The following TMTC2 variants were observed in gnomAD, a reference collection of about 807,000 sequenced individuals.
TMTC2 encodes transmembrane O-mannosyltransferase targeting cadherins 2.
A neutral mutation model predicts 82.4 loss-of-function variants in TMTC2; 43 were observed. The observed-to-expected ratio is 0.52, with a 90% CI of 0.41 to 0.67. The LOEUF (loss-of-function observed/expected upper bound fraction) is 0.67, where lower values mean the gene tolerates loss of function less well. TMTC2 is among the 30% of genes least tolerant of loss of function. The pLI, the probability that TMTC2 is intolerant of heterozygous loss-of-function variation, is 0.00. For missense variants in TMTC2, 919 were observed against 1,012.4 expected, an observed-to-expected ratio of 0.91 and a Z score of 1.25; for synonymous variants, 408 against 381.9, an observed-to-expected ratio of 1.07 and a Z score of -0.80.
intron 11 of TMTC2, among the ~76,000 whole-genome samples, chr12:83,126,642 A>G (rs1885105976): frequency 6.6e-6 from 1 of 152,146 alleles, no homozygotes; most frequent in African/African-American, 2.4e-5. Flanking sequence ...TAAAGTTATC[A>G]AGACTTAACA....
Position 82,896,181 on chromosome 12 carries a change from A to C in TMTC2, c.1018A>C (p.Lys340Gln). 2.5e-6 allele frequency: 4 copies of C among 1,614,036 alleles called. No individual in the cohort carries two copies. Among genetic ancestry groups the C allele is most frequent in the Non-Finnish European group, 3.4e-6 (4 of 1,180,030 alleles). The change falls in exon 3 of 12, where the codon AAA (lysine) becomes CAA (glutamine). Residue 340 changes from lysine (K) to glutamine (Q), a missense_variant. By Grantham distance (53) the Lys-to-Gln change is moderately conservative. Transcript: ENST00000321196. ...SPSVDRECNG[K>Q]TVTNGKQNAN... Reference sequence around the variant, plus strand: ...GAGCGTAGACAGAGAATGCAATGGGAAAACTGTAACAAATGGCAAGCAGAA... The same window carrying C: ...GAGCGTAGACAGAGAATGCAATGGGCAAACTGTAACAAATGGCAAGCAGAA...
intron 4 of TMTC2, among the ~76,000 whole-genome samples, chr12:82,942,043 G>C (rs1876750534): frequency 1.3e-5 from 2 of 152,140 alleles, no homozygotes; most frequent in South Asian, 4.1e-4. Context: ...ACCTGGCTGG[G>C]ATAATGATTT....
chr12:83,068,717 ATTAT>A (rs773308765), intron 11 of TMTC2, among the ~76,000 whole-genome samples: 21 of 151,840 alleles, frequency 1.4e-4, no homozygotes, highest in Non-Finnish European at 2.9e-4. Flanking sequence ...TTTTTTATTT[ATTAT>A]TTATTTTTCC....
rs577610576 is a variant in TMTC2 at position 83,056,613 on chromosome 12, G to A, written c.2268-5155G>A. Among the ~76,000 whole-genome samples the A allele has an allele frequency of 6.6e-5, 10 of 151,956 alleles. No individual in the cohort carries two copies. The East Asian group carries it at 1.6e-3, about 24-fold the overall frequency. ...CACAAATCAGATTGTGTGTGCTTAC[G>A]TGTGTGTATCTTGGGGATGTGTGTA... is the stretch of plus-strand genomic sequence containing the variant. On this transcript the variant is annotated intron_variant, in intron 10 of 11. Transcript: ENST00000321196.
intron 3 of TMTC2, among the ~76,000 whole-genome samples, chr12:82,918,669 T>C (rs1875169104): frequency 6.6e-6 from 1 of 152,166 alleles, no homozygotes; most frequent in Non-Finnish European, 1.5e-5. Context: ...AAAAATTAAA[T>C]ATTAAGAAAT....
At chr12:83,121,369 C>A (rs1884942066) in intron 11 of TMTC2, among the ~76,000 whole-genome samples, 1 of 152,148 alleles carries the variant, frequency 6.6e-6, no homozygotes, top group African/African-American at 2.4e-5. Context: ...TACTCTCCCC[C>A]TTTTCCTATG....
chr12:82,757,820 T>C (rs1323706220), intron 1 of TMTC2, among the ~76,000 whole-genome samples: 1 of 152,196 alleles, frequency 6.6e-6, no homozygotes, highest in Non-Finnish European at 1.5e-5. Context: ...TCAGGGAAAG[T>C]GGCTCAGTAA....
At chr12:82,849,726 A>G (rs150106543) in intron 1 of TMTC2, among the ~76,000 whole-genome samples, 35 of 152,280 alleles carry the variant, frequency 2.3e-4, no homozygotes, top group Non-Finnish European at 3.8e-4. Flanking sequence ...AGATGTCAGA[A>G]TAGCAACTCA....
chr12:82,781,724 G>C (rs1877920484), intron 1 of TMTC2, among the ~76,000 whole-genome samples: 1 of 144,824 alleles, frequency 6.9e-6, no homozygotes. Flanking sequence ...TTTTTGGAGA[G>C]GAAAGTGAAA....
At chr12:83,034,594 A>T (rs544712292) in intron 9 of TMTC2, among the ~76,000 whole-genome samples, 9 of 152,386 alleles carry the variant, frequency 5.9e-5, no homozygotes, top group Admixed American at 3.9e-4. Context: ...CAATGTTTTC[A>T]TCAAGAGATG....
At chr12:82,925,419 C>A (rs1487106403) in intron 3 of TMTC2, among the ~76,000 whole-genome samples, 1 of 152,118 alleles carries the variant, frequency 6.6e-6, no homozygotes, top group Non-Finnish European at 1.5e-5. Context: ...GATAAATGAA[C>A]AATCAACCAA....
intron 1 of TMTC2, among the ~76,000 whole-genome samples, chr12:82,795,798 G>A (rs1878691002): frequency 6.6e-6 from 1 of 152,060 alleles, no homozygotes; most frequent in Non-Finnish European, 1.5e-5. Flanking sequence ...ACACCTGCCG[G>A]GACCTTGATC....
chr12:83,105,449 G>A (rs1884362043), intron 11 of TMTC2, among the ~76,000 whole-genome samples: 1 of 152,162 alleles, frequency 6.6e-6, no homozygotes, highest in Admixed American at 6.5e-5. Context: ...GAAGCATGGT[G>A]CCGGCATCTG....
At chr12:82,819,497 CTTTTT>C (rs766912583) in intron 1 of TMTC2, among the ~76,000 whole-genome samples, 1 of 118,286 alleles carries the variant, frequency 8.5e-6, no homozygotes, top group African/African-American at 3.5e-5. Flanking sequence ...TTCTCTCTTT[CTTTTT>C]TTTTTTTTTT....
At chr12:82,883,540 T>G (rs1011695247) in intron 2 of TMTC2, among the ~76,000 whole-genome samples, 1 of 152,202 alleles carries the variant, frequency 6.6e-6, no homozygotes, top group Non-Finnish European at 1.5e-5. Flanking sequence ...CTCATTATAA[T>G]TTGTCTCTTT....
Position 82,828,164 on chromosome 12 carries a change from A to T in TMTC2, c.84-28846A>T, listed in dbSNP as rs190575064. Reference sequence around the variant, plus strand: ...CGCCTTGGCCTCCCAATGTACTGGGATTACAGGAGTGAGCTACCGTGCCTG... The same window carrying T: ...CGCCTTGGCCTCCCAATGTACTGGGTTTACAGGAGTGAGCTACCGTGCCTG... On this transcript the variant is annotated intron_variant, in intron 1 of 11. Coordinates refer to ENST00000321196, the MANE Select transcript of TMTC2 (RefSeq NM_152588.3). 2.8e-5 allele frequency among the ~76,000 whole-genome samples: 4 copies of T among 143,874 alleles called. No homozygotes were observed. In the East Asian group the frequency reaches 8.9e-4, roughly 32 times the overall value. 94.4% of individuals were successfully genotyped at this position (143,874 alleles called of 152,430 possible).
At chr12:82,930,670 C>A (rs1264979029) in intron 4 of TMTC2, 125 bp downstream of exon 4, 1 of 554,234 alleles carries the variant, frequency 1.8e-6, no homozygotes, top group Non-Finnish European at 3.2e-6. Flanking sequence ...TTTTGTTAAT[C>A]ATGCCTCTGA....
At chr12:83,022,826 T>C (rs563422990) in intron 8 of TMTC2, among the ~76,000 whole-genome samples, 1 of 152,308 alleles carries the variant, frequency 6.6e-6, no homozygotes, top group South Asian at 2.1e-4. Context: ...TAAACTATAA[T>C]TTACAGCCTG....
chr12:82,743,346 C>A (rs1467602518), intron 1 of TMTC2, among the ~76,000 whole-genome samples: 1 of 150,764 alleles, frequency 6.6e-6, no homozygotes, highest in Non-Finnish European at 1.5e-5. Flanking sequence ...TAGGCTGAGG[C>A]AGGAGAATTG....
Sources: gnomAD v4.1 joint callset for allele counts (sites outside exome capture counted in the v4.1 genomes callset) on GRCh38, gnomAD v4.1.1 for gene constraint, MANE v1.5 for transcripts, NCBI Gene and HGNC (gene_info 2026-07-23, HGNC 2026-07-21) for gene names.